The following CCSER1 variants were observed in gnomAD, a reference collection of about 807,000 sequenced individuals.
CCSER1 encodes coiled-coil serine rich protein 1.
A neutral mutation model predicts 82.0 loss-of-function variants in CCSER1; 41 were observed. That is an observed-to-expected ratio of 0.50 (90% confidence interval 0.39 to 0.65). The LOEUF is 0.65. Among genes scored for constraint, CCSER1 ranks in the 30% least tolerant of loss-of-function variants. CCSER1 has a pLI of 0.00. For synonymous variants in CCSER1, 414 were observed against 383.9 expected (o/e 1.08, Z -0.92); for missense variants, 1,119 against 1,064.2 (o/e 1.05, Z -0.72).
chr4:91,145,501 T>C (rs1211138752), intron 10 of CCSER1, among the ~76,000 whole-genome samples: 1 of 152,182 alleles, frequency 6.6e-6, no homozygotes, highest in Non-Finnish European at 1.5e-5. Flanking sequence ...GTCGTGTTGT[T>C]AGCTGGTTGC....
chr4:91,486,355 A>T (rs1268135819), intron 10 of CCSER1, among the ~76,000 whole-genome samples: 3 of 152,052 alleles, frequency 2.0e-5, no homozygotes, highest in Non-Finnish European at 4.4e-5. Flanking sequence ...TATGGCTTGA[A>T]ATAATGCCTT....
intron 10 of CCSER1, among the ~76,000 whole-genome samples, chr4:91,105,121 C>T (rs1323264718): frequency 1.3e-5 from 2 of 152,096 alleles, no homozygotes. Context: ...AGTTTAGCTC[C>T]CACTTATATG....
At chr4:91,226,194 A>G (rs1738191591) in intron 10 of CCSER1, among the ~76,000 whole-genome samples, 2 of 151,946 alleles carry the variant, frequency 1.3e-5, no homozygotes, top group Non-Finnish European at 2.9e-5. Flanking sequence ...AAAGAAGACA[A>G]TGAAAGATAT....
intron 10 of CCSER1, among the ~76,000 whole-genome samples, chr4:91,361,111 A>G (rs1749216539): frequency 6.6e-6 from 1 of 151,788 alleles, no homozygotes; most frequent in Non-Finnish European, 1.5e-5. Context: ...TTTTTAGTCT[A>G]GCAGATGCTA....
At chr4:90,385,815 T>G (rs1328350030) in intron 3 of CCSER1, among the ~76,000 whole-genome samples, 1 of 152,164 alleles carries the variant, frequency 6.6e-6, no homozygotes, top group Non-Finnish European at 1.5e-5. Context: ...TCATATTGTT[T>G]GCCCACTTTT....
intron 10 of CCSER1, among the ~76,000 whole-genome samples, chr4:91,566,652 C>G (rs1350802184): frequency 6.6e-6 from 1 of 152,008 alleles, no homozygotes; most frequent in East Asian, 1.9e-4. Flanking sequence ...TCCATCTCTT[C>G]TAGATTTTCT....
intron 5 of CCSER1, among the ~76,000 whole-genome samples, chr4:90,566,036 T>C (rs1253176264): frequency 2.0e-5 from 3 of 151,288 alleles, no homozygotes; most frequent in Admixed American, 2.0e-4. Context: ...TTTTGTATTT[T>C]TTTTTTTTTT....
At chr4:90,222,260 C>A (rs913178038) in intron 1 of CCSER1, among the ~76,000 whole-genome samples, 2 of 152,096 alleles carry the variant, frequency 1.3e-5, no homozygotes, top group African/African-American at 2.4e-5. Flanking sequence ...AAAAAGAGAC[C>A]TGGATAAAAT....
At chr4:90,660,698 C>T (rs1244312810) in intron 6 of CCSER1, among the ~76,000 whole-genome samples, 1 of 151,960 alleles carries the variant, frequency 6.6e-6, no homozygotes, top group Non-Finnish European at 1.5e-5. Context: ...TATTGCTAAC[C>T]TTTTTCTAAA....
chr4:90,781,461 A>T (rs563792003), intron 7 of CCSER1: 1 of 985,300 alleles, frequency 1.0e-6, no homozygotes, highest in African/African-American at 1.7e-5. Context: ...ATTTAATGAA[A>T]TGATGGACAT....
At chr4:90,809,956 A>G (rs1276404116) in intron 7 of CCSER1, among the ~76,000 whole-genome samples, 2 of 152,144 alleles carry the variant, frequency 1.3e-5, no homozygotes, top group African/African-American at 4.8e-5. Flanking sequence ...AAATTCTACC[A>G]TGAGAACCAG....
intron 10 of CCSER1, among the ~76,000 whole-genome samples, chr4:91,543,518 A>G (rs1019764289): frequency 6.6e-5 from 10 of 152,100 alleles, no homozygotes; most frequent in African/African-American, 2.2e-4. Flanking sequence ...ATCTCTCAGC[A>G]TTTGCTTGGC....
At position 91,164,023 on chromosome 4, in the gene CCSER1, A is replaced by G. The variant is rs146064571; in HGVS notation, c.2217+78029A>G. On this transcript the variant is annotated intron_variant, in intron 10 of 10. Transcript: ENST00000509176. ...TTAGTTGATGCAGTTTCTTCCAAGCATCGATGGCCTTTACCTTTTGGCATG... is the reference window on the plus strand; with the variant it reads ...TTAGTTGATGCAGTTTCTTCCAAGCGTCGATGGCCTTTACCTTTTGGCATG... 4.9e-4 allele frequency among the ~76,000 whole-genome samples: 75 copies of G among 152,250 alleles called. 1 individual carries two copies. The highest frequency in any genetic ancestry group is 1.8e-3 in the Admixed American group (27 of 15,280).
chr4:90,580,152 G>C, intron 5 of CCSER1, among the ~76,000 whole-genome samples: 1 of 151,948 alleles, frequency 6.6e-6, no homozygotes, highest in East Asian at 1.9e-4. Context: ...CATGCATAGG[G>C]ATATATATAA....
Position 90,815,852 on chromosome 4 carries a change from G to A in CCSER1, c.2094+7G>A. 2 of 1,546,792 alleles carry A rather than the reference G, an allele frequency of 1.3e-6. No homozygotes were observed. The highest frequency in any genetic ancestry group is 1.7e-6 in the Non-Finnish European group (2 of 1,143,034). ...CCAACTTCAGGAAGAGCTGGTAAGTGATAACAATGCTTGGCCCACGAGTGT... is the reference window on the plus strand; with the variant it reads ...CCAACTTCAGGAAGAGCTGGTAAGTAATAACAATGCTTGGCCCACGAGTGT... On this transcript the variant is annotated splice_region_variant and intron_variant, in intron 8 of 10. Transcript: ENST00000509176.
intron 1 of CCSER1, among the ~76,000 whole-genome samples, chr4:90,252,019 T>C (rs1325586690): frequency 6.6e-6 from 1 of 151,948 alleles, no homozygotes; most frequent in East Asian, 1.9e-4. Context: ...TCTTCTTTGG[T>C]CAGTGTCTTA....
At chr4:90,748,619 T>C (rs1352959256) in intron 7 of CCSER1, among the ~76,000 whole-genome samples, 1 of 147,798 alleles carries the variant, frequency 6.8e-6, no homozygotes, top group Admixed American at 6.8e-5. Context: ...CACACTGACT[T>C]CCACAATGGT....
chr4:90,891,907 C>A (rs1723016598), intron 8 of CCSER1, among the ~76,000 whole-genome samples: 1 of 152,030 alleles, frequency 6.6e-6, no homozygotes, highest in African/African-American at 2.4e-5. Flanking sequence ...TAAATGCTAC[C>A]TACAAATGTA....
At chr4:90,341,597 G>T (rs577002354) in intron 3 of CCSER1, among the ~76,000 whole-genome samples, 1 of 151,974 alleles carries the variant, frequency 6.6e-6, no homozygotes, top group South Asian at 2.1e-4. Context: ...AATCTTCTAT[G>T]ATATTTATTT....
Sources: allele counts gnomAD v4.1 joint callset (sites outside exome capture counted in the v4.1 genomes callset), GRCh38; gene constraint gnomAD v4.1.1; transcripts MANE v1.5; gene names NCBI Gene and HGNC (gene_info 2026-07-23, HGNC 2026-07-21).